The following CCNJL variants were observed in gnomAD, a reference collection of about 807,000 sequenced individuals.
The protein encoded by CCNJL is cyclin-J-like protein.
In CCNJL, 33 loss-of-function variants were observed where a neutral mutation model predicts 33.4. The ratio of observed to expected loss-of-function variants is 0.99; its 90% confidence interval spans 0.75 to 1.32. The LOEUF is 1.32. CCNJL is among the 40% of genes most tolerant of loss of function. The pLI, the probability that CCNJL is intolerant of heterozygous loss-of-function variation, is 0.00. For synonymous variants in CCNJL, 227 were observed against 220.9 expected, an observed-to-expected ratio of 1.03 and a Z score of -0.24; for missense variants, 512 against 499.7, an observed-to-expected ratio of 1.02 and a Z score of -0.23.
chr5:160,263,567 A>G (rs1761439666), intron 3 of CCNJL, among the ~76,000 whole-genome samples: 1 of 152,218 alleles, frequency 6.6e-6, no homozygotes. Flanking sequence ...CAGGTCAAAC[A>G]GTACAGGCAA....
intron 2 of CCNJL, among the ~76,000 whole-genome samples, chr5:160,288,723 T>G (rs981134149): frequency 4.0e-5 from 6 of 148,492 alleles, no homozygotes; most frequent in Non-Finnish European, 5.9e-5. Flanking sequence ...ACAAAAAAAT[T>G]AGAGGCTGAG....
At chr5:160,294,505 C>G (rs1366152771) in intron 2 of CCNJL, among the ~76,000 whole-genome samples, 3 of 152,188 alleles carry the variant, frequency 2.0e-5, no homozygotes, top group Non-Finnish European at 4.4e-5. Flanking sequence ...GAGCCACTGC[C>G]CTTCTGGGCA....
At chr5:160,324,540 TC>T (rs1161276678) in intron 1 of CCNJL, among the ~76,000 whole-genome samples, 1 of 152,068 alleles carries the variant, frequency 6.6e-6, no homozygotes, top group Non-Finnish European at 1.5e-5. Flanking sequence ...GCCATTGTAC[TC>T]CAGCCTGGGC....
At chr5:160,257,335 C>A (rs903387930) in intron 4 of CCNJL, among the ~76,000 whole-genome samples, 2 of 151,790 alleles carry the variant, frequency 1.3e-5, no homozygotes, top group East Asian at 3.9e-4. Flanking sequence ...ATTAGCCAGG[C>A]GTGGTGGCGG....
At chr5:160,282,999 ATATATATATACATATATATATATATATAC>A (rs1762284342) in intron 2 of CCNJL, among the ~76,000 whole-genome samples, 1 of 58,266 alleles carries the variant, frequency 1.7e-5, no homozygotes, top group Non-Finnish European at 3.1e-5. Context: ...ATATATATAT[ATATATATATACATATATATATATATATAC>A]CTAAGAGAAA....
intron 1 of CCNJL, among the ~76,000 whole-genome samples, chr5:160,330,359 C>T (rs905935373): frequency 3.3e-5 from 5 of 152,190 alleles, no homozygotes; most frequent in Admixed American, 6.5e-5. Context: ...TAATTTGTGG[C>T]TGGGTCAAGA....
chr5:160,305,567 G>A (rs759212851), intron 2 of CCNJL, among the ~76,000 whole-genome samples: 4 of 152,358 alleles, frequency 2.6e-5, no homozygotes, highest in Non-Finnish European at 4.4e-5. Context: ...GAGCACATCC[G>A]TTGGAGAGCG....
chr5:160,280,855 T>G, intron 2 of CCNJL, 117 bp from the exon 3 acceptor site: 1 of 758,850 alleles, frequency 1.3e-6, no homozygotes. Context: ...CTCCATACCC[T>G]TCTTAGTTTT....
At chr5:160,281,598 T>A (rs1392477143) in intron 2 of CCNJL, among the ~76,000 whole-genome samples, 1 of 152,208 alleles carries the variant, frequency 6.6e-6, no homozygotes, top group African/African-American at 2.4e-5. Flanking sequence ...TTATATGCAG[T>A]ATCTCTCATA....
chr5:160,300,544 T>C (rs938350241), intron 2 of CCNJL, among the ~76,000 whole-genome samples: 2 of 152,178 alleles, frequency 1.3e-5, no homozygotes, highest in African/African-American at 4.8e-5. Context: ...TTTGTGATTC[T>C]TTTTTTAGCT....
chr5:160,282,786 T>TA lies in CCNJL; in HGVS notation c.67-2049dup, dbSNP rs573783699. On this transcript the variant is annotated intron_variant, in intron 2 of 5. Coordinates refer to ENST00000257536, the MANE Select transcript of CCNJL (RefSeq NM_001308173.3). ...CTCACACTCATTAGAATGGTTGTTG[T>TA]AAAAAAAATCAATACAAAACTGAAA... Among the ~76,000 whole-genome samples the TA allele has an allele frequency of 1.7e-3, 249 of 150,478 alleles. 1 individual carries two copies. Among genetic ancestry groups the TA allele is most frequent in the African/African-American group, 5.7e-3 (235 of 41,022 alleles).
At chr5:160,265,178 C>T (rs981000464) in intron 3 of CCNJL, among the ~76,000 whole-genome samples, 1 of 152,184 alleles carries the variant, frequency 6.6e-6, no homozygotes, top group Non-Finnish European at 1.5e-5. Context: ...CCCACGAATG[C>T]CCCCAAAAGT....
At chr5:160,286,483 C>T (rs1762410412) in intron 2 of CCNJL, among the ~76,000 whole-genome samples, 1 of 152,004 alleles carries the variant, frequency 6.6e-6, no homozygotes, top group Non-Finnish European at 1.5e-5. Context: ...ACTAAAAATA[C>T]AAAAATTAGC....
intron 2 of CCNJL, among the ~76,000 whole-genome samples, chr5:160,308,904 G>A (rs1355688614): frequency 1.3e-5 from 2 of 152,222 alleles, no homozygotes; most frequent in Non-Finnish European, 2.9e-5. Context: ...GAGAGTCTGA[G>A]AAACACAGAA....
chr5:160,289,080 G>A (rs944210934), intron 2 of CCNJL, among the ~76,000 whole-genome samples: 2 of 152,090 alleles, frequency 1.3e-5, no homozygotes, highest in Non-Finnish European at 1.5e-5. Flanking sequence ...CCAGATTTTG[G>A]GCATGTGGGC....
At chr5:160,331,513 C>T (rs562560291) in intron 1 of CCNJL, among the ~76,000 whole-genome samples, 8 of 152,228 alleles carry the variant, frequency 5.3e-5, no homozygotes, top group African/African-American at 1.4e-4. Context: ...CGTGAGCCAC[C>T]GTGCCCAGCC....
intron 1 of CCNJL, among the ~76,000 whole-genome samples, chr5:160,323,094 G>T (rs1268390058): frequency 6.6e-6 from 1 of 151,922 alleles, no homozygotes; most frequent in African/African-American, 2.4e-5. Context: ...AATTAGCTGG[G>T]TGTGGTGGCA....
intron 2 of CCNJL, among the ~76,000 whole-genome samples, chr5:160,289,215 A>G (rs1762506506): frequency 6.6e-6 from 1 of 152,184 alleles, no homozygotes; most frequent in South Asian, 2.1e-4. Context: ...AAGCATGTTT[A>G]GGAACTGTCC....
chr5:160,289,165 C>G (rs1762505107), intron 2 of CCNJL, among the ~76,000 whole-genome samples: 1 of 152,140 alleles, frequency 6.6e-6, no homozygotes, highest in Non-Finnish European at 1.5e-5. Context: ...ACCCAGCAGC[C>G]TCCTGTGGGC....
Sources: gnomAD v4.1 joint callset for allele counts (sites outside exome capture counted in the v4.1 genomes callset) on GRCh38, gnomAD v4.1.1 for gene constraint, MANE v1.5 for transcripts, NCBI Gene and HGNC (gene_info 2026-07-23, HGNC 2026-07-21) for gene names.